Variants in FAM13B observed in about 807,000 individuals in gnomAD.
FAM13B encodes family with sequence similarity 13 member B.
FAM13B carries 60 observed loss-of-function variants against 117.3 expected under a neutral mutation model. That is an observed-to-expected ratio of 0.51 (90% CI 0.42 to 0.63). The LOEUF (loss-of-function observed/expected upper bound fraction) is 0.63. FAM13B is among the 30% of genes least tolerant of loss of function. The pLI, the probability that FAM13B is intolerant of heterozygous loss-of-function variation, is 0.00. For missense variants in FAM13B, 972 were observed against 1,091.9 expected (o/e 0.89, Z 1.55); for synonymous variants, 332 against 356.1 (o/e 0.93, Z 0.76).
intron 1 of FAM13B, among the ~76,000 whole-genome samples, chr5:138,042,964 T>C (rs763731899): frequency 6.6e-6 from 1 of 152,062 alleles, no homozygotes; most frequent in Non-Finnish European, 1.5e-5. Flanking sequence ...TGGTGGCGCA[T>C]GCCTGTAGTC....
intron 1 of FAM13B, among the ~76,000 whole-genome samples, chr5:138,022,850 A>G (rs1341806050): frequency 6.7e-6 from 1 of 150,032 alleles, no homozygotes; most frequent in Non-Finnish European, 1.5e-5. Context: ...TTTTTTCGAG[A>G]CAGGGTCTCA....
intron 4 of FAM13B, among the ~76,000 whole-genome samples, chr5:138,017,755 A>G (rs1219318235): frequency 6.6e-6 from 1 of 152,174 alleles, no homozygotes; most frequent in East Asian, 1.9e-4. Context: ...AAACCTAACA[A>G]AGATACATCT....
intron 1 of FAM13B, among the ~76,000 whole-genome samples, chr5:138,038,868 T>C (rs1487022820): frequency 3.9e-5 from 6 of 152,254 alleles, no homozygotes; most frequent in Admixed American, 3.3e-4. Context: ...GATATGATCA[T>C]GATCTCTGCC....
chr5:137,965,717 A>C (rs1769511529), intron 10 of FAM13B, among the ~76,000 whole-genome samples: 1 of 152,180 alleles, frequency 6.6e-6, no homozygotes, highest in African/African-American at 2.4e-5. Context: ...AGGTCTTAAG[A>C]CTAGTACACG....
Position 137,960,228 on chromosome 5 carries a change from TA to T in FAM13B, c.1245-15del. The T allele has an allele frequency of 7.0e-7, 1 of 1,427,526 alleles. No homozygotes were observed. The highest frequency in any genetic ancestry group is 9.7e-7 in the Non-Finnish European group (1 of 1,028,874). 88.4% of individuals were successfully genotyped at this position (1,427,526 alleles called of 1,614,324 possible). A position where few individuals can be genotyped will look rare whatever the true frequency, so the allele number is the denominator to read the frequency against. On this transcript the variant is annotated splice_polypyrimidine_tract_variant and intron_variant, in intron 11 of 23. Transcript: ENST00000689681. ...AAATATTCTTCCCTAAAAATACAAG[TA>T]AAGTTGTTAGTATATTAAGAATAAA...
chr5:137,956,093 C>A (rs887679174), intron 14 of FAM13B, among the ~76,000 whole-genome samples: 2 of 152,130 alleles, frequency 1.3e-5, no homozygotes, highest in Admixed American at 6.5e-5. Context: ...TTTAGTTTAA[C>A]TTTATGCATT....
chr5:137,990,146 A>C (rs1778250691), intron 7 of FAM13B, among the ~76,000 whole-genome samples: 1 of 152,248 alleles, frequency 6.6e-6, no homozygotes, highest in Non-Finnish European at 1.5e-5. Flanking sequence ...ATTAAATTAC[A>C]AAAGTTAAAT....
intron 5 of FAM13B, among the ~76,000 whole-genome samples, chr5:138,011,450 G>A (rs995529897): frequency 1.3e-5 from 2 of 150,058 alleles, no homozygotes; most frequent in African/African-American, 2.5e-5. Context: ...ATGGAGTCTC[G>A]CTCTGTCACC....
intron 7 of FAM13B, among the ~76,000 whole-genome samples, chr5:137,994,847 G>T (rs1554075975): frequency 6.6e-6 from 1 of 152,128 alleles, no homozygotes; most frequent in Non-Finnish European, 1.5e-5. Flanking sequence ...GAGAACATAA[G>T]ATCAATCTTG....
chr5:137,954,528 ATG>A (rs142183700), intron 14 of FAM13B, 152 bp from the exon 15 acceptor site: 225,883 of 345,242 alleles, frequency 0.65, 73,618 homozygotes, highest in East Asian at 0.79. Context: ...ACACACATAC[ATG>A]TGTGTGTGTA....
At chr5:137,951,787 G>T (rs1426266873) in intron 17 of FAM13B, among the ~76,000 whole-genome samples, 1 of 152,034 alleles carries the variant, frequency 6.6e-6, no homozygotes, top group African/African-American at 2.4e-5. Flanking sequence ...GACCAGCCTG[G>T]GCAACATGGC....
chr5:138,019,203 C>G lies in FAM13B; in HGVS notation c.-35-57G>C. On this transcript the variant is annotated intron_variant, in intron 2 of 23. Coordinates refer to ENST00000689681, the MANE Select transcript of FAM13B (RefSeq NM_001385994.1). ...TAATGATTAACAGGTGGCAATATGA[C>G]TAGATACATTAAAGAAAAATGCTTT... 4 of 1,474,216 alleles carry G rather than the reference C, an allele frequency of 2.7e-6. No homozygotes were observed. In the South Asian group the frequency reaches 5.2e-5, roughly 19 times the overall value. 91.3% of individuals were successfully genotyped at this position (1,474,216 alleles called of 1,614,324 possible).
At chr5:137,949,314 T>C (rs1764285482) in intron 17 of FAM13B, 130 bp from the exon 18 acceptor site, 2 of 715,010 alleles carry the variant, frequency 2.8e-6, no homozygotes, top group East Asian at 5.3e-5. Context: ...CAAAGCCAAA[T>C]AAAACATTTA....
At chr5:137,990,362 T>A (rs1287160528) in intron 7 of FAM13B, among the ~76,000 whole-genome samples, 1 of 152,240 alleles carries the variant, frequency 6.6e-6, no homozygotes, top group Non-Finnish European at 1.5e-5. Flanking sequence ...TCTGGTAAGC[T>A]TTTGCTTTAT....
At chr5:137,941,254 C>G (rs1581029764) in intron 23 of FAM13B, among the ~76,000 whole-genome samples, 1 of 152,022 alleles carries the variant, frequency 6.6e-6, no homozygotes, top group Non-Finnish European at 1.5e-5. Flanking sequence ...ATATAGGAGA[C>G]TCACAAAGCA....
At chr5:137,983,427 A>G (rs1473128404) in intron 10 of FAM13B, among the ~76,000 whole-genome samples, 1 of 152,176 alleles carries the variant, frequency 6.6e-6, no homozygotes, top group African/African-American at 2.4e-5. Context: ...TAAAGAAAAG[A>G]GACACAGACA....
intron 1 of FAM13B, among the ~76,000 whole-genome samples, chr5:138,046,946 A>G (rs1791656662): frequency 6.6e-6 from 1 of 151,672 alleles, no homozygotes; most frequent in Admixed American, 6.6e-5. Context: ...GGGTTTCACC[A>G]TCTTGGCCAG....
intron 10 of FAM13B, among the ~76,000 whole-genome samples, chr5:137,980,793 T>C (rs1200652953): frequency 6.6e-6 from 1 of 152,210 alleles, no homozygotes; most frequent in Non-Finnish European, 1.5e-5. Flanking sequence ...ACTAGCTTAC[T>C]ATGTGCCAGA....
At chr5:137,943,319 A>G in intron 20 of FAM13B, 103 bp from the exon 21 acceptor site, 1 of 881,226 alleles carries the variant, frequency 1.1e-6, no homozygotes, top group Non-Finnish European at 1.7e-6. Context: ...TATTTTCAAA[A>G]TCTTAAACAT....
Sources: gnomAD v4.1 joint callset for allele counts (sites outside exome capture counted in the v4.1 genomes callset) on GRCh38, gnomAD v4.1.1 for gene constraint, MANE v1.5 for transcripts, NCBI Gene and HGNC (gene_info 2026-07-23, HGNC 2026-07-21) for gene names.